MAF: variants seen among roughly 807,000 people sequenced by gnomAD.
The protein encoded by MAF is transcription factor Maf.
MAF carries 10 observed loss-of-function variants against 22.0 expected under a neutral mutation model. That is an observed-to-expected ratio of 0.45 (90% CI 0.28 to 0.77). The LOEUF is 0.77. MAF is among the 30% of genes least tolerant of loss of function. The pLI is 0.12. For missense variants in MAF, 544 were observed against 548.4 expected, an observed-to-expected ratio of 0.99 and a Z score of 0.08; for synonymous variants, 337 against 255.8, an observed-to-expected ratio of 1.32 and a Z score of -3.03.
At chr16:79,416,811 T>G in the MAF span, among the ~76,000 whole-genome samples, 1 of 152,222 alleles carries the variant, frequency 6.6e-6, no homozygotes, top group African/African-American at 2.4e-5. Flanking sequence ...GAAGCCGCTG[T>G]GTTGTTTTTT....
the MAF span, among the ~76,000 whole-genome samples, chr16:79,422,182 T>C: frequency 6.6e-6 from 1 of 152,208 alleles, no homozygotes. Context: ...TGATGTGTTA[T>C]TTTGGGTTTC....
At chr16:79,420,027 C>T in the MAF span, among the ~76,000 whole-genome samples, 3 of 151,576 alleles carry the variant, frequency 2.0e-5, no homozygotes, top group Non-Finnish European at 4.4e-5. Flanking sequence ...TTTCTTTAAC[C>T]CATTTGACAA....
chr16:79,207,124 C>A, the MAF span, among the ~76,000 whole-genome samples: 9 of 152,158 alleles, frequency 5.9e-5, no homozygotes, highest in Admixed American at 1.3e-4. Flanking sequence ...GCCATCTATT[C>A]CACCTGTGAC....
the MAF span, among the ~76,000 whole-genome samples, chr16:79,234,022 AATGG>A: frequency 6.6e-6 from 1 of 151,606 alleles, no homozygotes; most frequent in Non-Finnish European, 1.5e-5. Flanking sequence ...AAGTGTATAG[AATGG>A]GTAAGATCAA....
the MAF span, among the ~76,000 whole-genome samples, chr16:79,573,154 AT>A: frequency 6.6e-5 from 10 of 152,272 alleles, no homozygotes; most frequent in East Asian, 1.9e-3. Flanking sequence ...GGAGCTATTT[AT>A]ATTAAGGAAA....
chr16:79,249,593 T>C, the MAF span, among the ~76,000 whole-genome samples: 1 of 152,116 alleles, frequency 6.6e-6, no homozygotes, highest in Non-Finnish European at 1.5e-5. Context: ...TAAATCTCTA[T>C]TGTTTATAAA....
At chr16:79,585,737 C>T (rs1912797100), downstream of MAF, 1 of 565,220 alleles carries the variant, frequency 1.8e-6, no homozygotes, top group Admixed American at 3.6e-5. Flanking sequence ...AATACTAAAA[C>T]TAATGAAACA....
chr16:79,351,377 G>C, the MAF span, among the ~76,000 whole-genome samples: 5 of 152,114 alleles, frequency 3.3e-5, no homozygotes, highest in African/African-American at 1.2e-4. Flanking sequence ...ATCTGAACGT[G>C]GTCCTCCCAC....
chr16:79,478,458 G>C, the MAF span, among the ~76,000 whole-genome samples: 1 of 152,128 alleles, frequency 6.6e-6, no homozygotes, highest in Non-Finnish European at 1.5e-5. Context: ...TTCCAACAGA[G>C]AAGAACACAA....
the MAF span, among the ~76,000 whole-genome samples, chr16:79,262,415 T>C: frequency 2.0e-5 from 3 of 152,152 alleles, no homozygotes; most frequent in African/African-American, 7.2e-5. Context: ...GACAGAACTA[T>C]TTTGGGATGT....
chr16:79,316,134 AG>A, the MAF span, among the ~76,000 whole-genome samples: 673 of 152,358 alleles, frequency 4.4e-3, 11 homozygotes, highest in African/African-American at 0.016. Context: ...CTCTACCTCA[AG>A]GCGTGGGCGC....
chr16:79,532,799 C>T, the MAF span, among the ~76,000 whole-genome samples: 1 of 152,176 alleles, frequency 6.6e-6, no homozygotes, highest in East Asian at 1.9e-4. Context: ...TCACTGAGTA[C>T]CTCAGATATC....
chr16:79,484,780 GT>G, the MAF span, among the ~76,000 whole-genome samples: 1 of 152,234 alleles, frequency 6.6e-6, no homozygotes, highest in Non-Finnish European at 1.5e-5. Flanking sequence ...CGGAAAAGGG[GT>G]GACATGTGTG....
At chr16:79,393,593 C>G in the MAF span, among the ~76,000 whole-genome samples, 1 of 152,142 alleles carries the variant, frequency 6.6e-6, no homozygotes, top group African/African-American at 2.4e-5. Flanking sequence ...AATTAACCAG[C>G]TCCAGCCCCT....
the MAF span, among the ~76,000 whole-genome samples, chr16:79,458,204 A>G: frequency 1.3e-5 from 2 of 150,952 alleles, no homozygotes; most frequent in African/African-American, 4.9e-5. Flanking sequence ...TGACTTCCAA[A>G]TCACTTCTCT....
chr16:79,599,403 A>T lies in MAF; in HGVS notation c.500T>A (p.Val167Glu). ...GCTCTGCGCGGCGGCCGCGGCGATC[A>T]CGGCGGACACCACGGCGGCGGCGGG... The part of the protein sequence containing the change: ...MGPAAAVVSA[V>E]IAAAAAQSGA... The change falls in exon 1 of 2, where the codon GTG becomes GAG. Residue 167 changes from valine to glutamate, a missense_variant. By Grantham distance (121) the Val-to-Glu change is moderately radical. Coordinates refer to ENST00000326043, the MANE Select transcript of MAF (RefSeq NM_005360.5). The T allele has an allele frequency of 9.0e-7, 1 of 1,115,900 alleles. No individual in the cohort carries two copies. The highest frequency in any genetic ancestry group is 1.1e-6 in the Non-Finnish European group (1 of 915,418). 69.1% of individuals were successfully genotyped at this position (1,115,900 alleles called of 1,614,324 possible).
At chr16:79,577,485 G>T in the MAF span, among the ~76,000 whole-genome samples, 1 of 152,132 alleles carries the variant, frequency 6.6e-6, no homozygotes, top group African/African-American at 2.4e-5. Context: ...TCTATTCATT[G>T]TTACAGGTCA....
chr16:79,571,648 C>A, the MAF span, among the ~76,000 whole-genome samples: 4 of 148,370 alleles, frequency 2.7e-5, no homozygotes, highest in East Asian at 8.0e-4. Context: ...GTAGGCCAAA[C>A]GTAGTGGGTT....
chr16:79,278,534 C>T, the MAF span, among the ~76,000 whole-genome samples: 17 of 152,172 alleles, frequency 1.1e-4, no homozygotes, highest in Admixed American at 3.9e-4. Context: ...GTGTACAGAA[C>T]GAAGAGGCCC....
Sources: gnomAD v4.1 joint callset for allele counts (sites outside exome capture counted in the v4.1 genomes callset) on GRCh38, gnomAD v4.1.1 for gene constraint, MANE v1.5 for transcripts, NCBI Gene and HGNC (gene_info 2026-07-23, HGNC 2026-07-21) for gene names.